Variants in SNRK observed in about 807,000 individuals in gnomAD.
SNRK encodes SNF-related serine/threonine-protein kinase.
SNRK carries 3 observed loss-of-function variants against 48.2 expected under a neutral mutation model. That is an observed-to-expected ratio of 0.06 (90% CI 0.03 to 0.16). The LOEUF (loss-of-function observed/expected upper bound fraction) is 0.16, where lower values mean the gene tolerates loss of function less well. Ranked by LOEUF, SNRK falls within the 10% of genes least tolerant of loss-of-function variation. The probability of loss-of-function intolerance (pLI) is 1.00; values close to 1 mark genes in which losing one functional copy is unlikely to be tolerated. For synonymous variants in SNRK, 376 were observed against 366.1 expected (o/e 1.03, Z -0.31); for missense variants, 627 against 976.0 (o/e 0.64, Z 4.76).
At chr3:43,344,833 C>G (rs1176637830) in intron 6 of SNRK, among the ~76,000 whole-genome samples, 2 of 152,096 alleles carry the variant, frequency 1.3e-5, no homozygotes, top group Non-Finnish European at 2.9e-5. Context: ...CAAGGCAGAT[C>G]ATCACTACTC....
chr3:43,294,456 T>C (rs895551384), intron 1 of SNRK, among the ~76,000 whole-genome samples: 5 of 152,216 alleles, frequency 3.3e-5, no homozygotes, highest in African/African-American at 1.2e-4. Flanking sequence ...GCATTTCCTC[T>C]CAAAAACTAA....
In SNRK at chr3:43,348,697, T is replaced by C; in HGVS notation, c.*140T>C. 1 of 905,346 alleles carries C rather than the reference T, an allele frequency of 1.1e-6. No individual in the cohort carries two copies. Among genetic ancestry groups the C allele is most frequent in the Non-Finnish European group, 1.5e-6 (1 of 654,696 alleles). The allele number at this position is 905,346 out of a possible 1,614,324, so 56.1% of individuals were successfully genotyped here. On this transcript the variant is annotated 3_prime_UTR_variant, in exon 7 of 7. Coordinates refer to ENST00000296088, the MANE Select transcript of SNRK (RefSeq NM_017719.5). ...ATTACCTTTCCATTTGTTCGCCTGATGATGTGACAATGCATGGTCTTTGTG... is the reference window on the plus strand; with the variant it reads ...ATTACCTTTCCATTTGTTCGCCTGACGATGTGACAATGCATGGTCTTTGTG...
At chr3:43,329,855 G>A (rs914762579) in intron 3 of SNRK, among the ~76,000 whole-genome samples, 3 of 152,116 alleles carry the variant, frequency 2.0e-5, no homozygotes, top group Non-Finnish European at 4.4e-5. Context: ...GAAAAAGAAA[G>A]TTTTCTTCGG....
At chr3:43,335,189 A>C (rs1453365907) in intron 4 of SNRK, among the ~76,000 whole-genome samples, 1 of 152,038 alleles carries the variant, frequency 6.6e-6, no homozygotes, top group Admixed American at 6.6e-5. Flanking sequence ...TAGCTCACAA[A>C]TTTCCCTTTT....
At chr3:43,343,532 A>C in intron 6 of SNRK, 54 bp downstream of exon 6, 1 of 1,546,674 alleles carries the variant, frequency 6.5e-7, no homozygotes. Flanking sequence ...GAAATAGCGA[A>C]CTTTTTTTTT....
chr3:43,331,881 C>T (rs1344638734), intron 3 of SNRK, among the ~76,000 whole-genome samples: 1 of 152,136 alleles, frequency 6.6e-6, no homozygotes, highest in Non-Finnish European at 1.5e-5. Flanking sequence ...GGCTTGGGCA[C>T]CTGGATACTT....
intron 1 of SNRK, among the ~76,000 whole-genome samples, chr3:43,298,157 A>C (rs1409724967): frequency 2.6e-5 from 4 of 152,152 alleles, no homozygotes; most frequent in Admixed American, 2.6e-4. Flanking sequence ...TTTTCTTATT[A>C]CTAACATTTT....
In SNRK at chr3:43,347,304, A is replaced by G; in HGVS notation, c.1080-35A>G. The G allele has an allele frequency of 1.3e-6, 2 of 1,519,596 alleles. No individual in the cohort carries two copies. The highest frequency in any genetic ancestry group is 1.8e-6 in the Non-Finnish European group (2 of 1,135,066). 94.1% of individuals were successfully genotyped at this position (1,519,596 alleles called of 1,614,324 possible). A position where few individuals can be genotyped will look rare whatever the true frequency, so the allele number is the denominator to read the frequency against. On this transcript the variant is annotated intron_variant, in intron 6 of 6. Transcript: ENST00000296088. The surrounding 1 kb of genome is among the most constrained non-coding windows in gnomAD (Gnocchi z 5.4). ...TTACTATCATCTGCATAATGATTATATGGCTTTTTTCCCCCCAATCTATCT... is the reference window on the plus strand; with the variant it reads ...TTACTATCATCTGCATAATGATTATGTGGCTTTTTTCCCCCCAATCTATCT...
chr3:43,349,702 A>G lies in SNRK; in HGVS notation c.*1145A>G, dbSNP rs568695937. The stretch of plus-strand genomic sequence containing the variant: ...CACTTTGCCTTTTTCTGCCAAAACA[A>G]TAATCAAAGAACTCTTGCTTTAACC... On this transcript the variant is annotated 3_prime_UTR_variant, in exon 7 of 7. Coordinates refer to ENST00000296088, the MANE Select transcript of SNRK (RefSeq NM_017719.5). 12 of 152,368 alleles carry G rather than the reference A, an allele frequency of 7.9e-5. No individual in the cohort carries two copies. Among genetic ancestry groups the G allele is most frequent in the African/African-American group, 2.9e-4 (12 of 41,578 alleles). 9.4% of individuals were successfully genotyped at this position (152,368 alleles called of 1,614,324 possible). A position where few individuals can be genotyped will look rare whatever the true frequency, so the allele number is the denominator to read the frequency against.
intron 3 of SNRK, among the ~76,000 whole-genome samples, chr3:43,320,249 C>G (rs2091043216): frequency 6.6e-6 from 1 of 152,088 alleles, no homozygotes; most frequent in African/African-American, 2.4e-5. Context: ...AAGGAAACAT[C>G]AAGTCATTGG....
intron 3 of SNRK, among the ~76,000 whole-genome samples, chr3:43,316,359 A>G (rs1307439976): frequency 6.7e-6 from 1 of 149,944 alleles, no homozygotes; most frequent in Non-Finnish European, 1.5e-5. Context: ...TTTAAAAAAT[A>G]CCTATGTTGC....
intron 3 of SNRK, among the ~76,000 whole-genome samples, chr3:43,320,286 G>A (rs1171978074): frequency 1.3e-5 from 2 of 152,216 alleles, no homozygotes; most frequent in African/African-American, 4.8e-5. Context: ...ATTTCCTAAA[G>A]TCAGACAGAC....
intron 2 of SNRK, among the ~76,000 whole-genome samples, chr3:43,301,969 T>G (rs553292839): frequency 1.3e-5 from 2 of 152,340 alleles, no homozygotes; most frequent in South Asian, 4.1e-4. Context: ...AGGAACCTAT[T>G]TCTATTCATT....
chr3:43,307,560 A>G lies in SNRK; in HGVS notation c.589+3768A>G, dbSNP rs542704612. Reference sequence around the variant, plus strand: ...TTATTTTTTATGGTGATCTGTGATCAGTGATCTTTAATGTTACTATTGTAG... The same window carrying G: ...TTATTTTTTATGGTGATCTGTGATCGGTGATCTTTAATGTTACTATTGTAG... On this transcript the variant is annotated intron_variant, in intron 3 of 6. Transcript: ENST00000296088. Among the ~76,000 whole-genome samples, 159 of 152,332 alleles carry G rather than the reference A, an allele frequency of 1.0e-3. 1 individual carries two copies. The highest frequency in any genetic ancestry group is 3.7e-3 in the African/African-American group (152 of 41,580).
chr3:43,289,224 A>T (rs2090790366), intron 1 of SNRK, among the ~76,000 whole-genome samples: 1 of 152,164 alleles, frequency 6.6e-6, no homozygotes. Flanking sequence ...GTGATGGTTA[A>T]ACTGGTCTTG....
chr3:43,337,632 G>A (rs2125643415), intron 4 of SNRK, among the ~76,000 whole-genome samples: 1 of 152,188 alleles, frequency 6.6e-6, no homozygotes, highest in South Asian at 2.1e-4. Context: ...GAACTGCTGG[G>A]TAATTTATAG....
Position 43,348,031 on chromosome 3 carries a change from G to T in SNRK, c.1772G>T (p.Gly591Val), listed in dbSNP as rs779943111. The T allele has an allele frequency of 1.9e-6, 3 of 1,610,278 alleles. No homozygotes were observed. The change falls in exon 7 of 7, where the codon GGA becomes GTA. Residue 591 changes from glycine (G) to valine (V), a missense_variant. This residue lies in a region of SNRK where 207 missense variants were observed against 234.3 expected (regional missense o/e 0.88). Transcript: ENST00000296088. The part of the protein sequence containing the change: ...GGQSKPSNAS[G>V]GVDKASPSEN... ...CAGAGCAAGCCAAGCAATGCCAGTG[G>T]AGGGGTGGACAAGGCCAGCCCCAGT... is the stretch of plus-strand genomic sequence containing the variant.
rs768354951 is a variant in SNRK, at chr3:43,347,535, A to C, written c.1276A>C (p.Thr426Pro). The change falls in exon 7 of 7, where the codon ACG (threonine) becomes CCG (proline). Residue 426 changes from threonine to proline, a missense_variant. Around this residue, in one of 4 missense-constraint regions of SNRK, gnomAD observed 175 missense variants for 209.7 expected, o/e 0.83. Coordinates refer to ENST00000296088, the MANE Select transcript of SNRK (RefSeq NM_017719.5). This position sits in a 1 kb window ranked among gnomAD's most constrained non-coding sequence, Gnocchi z 5.4. ...LPELAGPALS[T>P]VPPASLKPTA... ...TGAGTTGGCTGGACCAGCACTCTCT[A>C]CGGTGCCACCCGCAAGCTTAAAACC... is the stretch of plus-strand genomic sequence containing the variant. The C allele has an allele frequency of 5.6e-6, 9 of 1,613,580 alleles. No individual in the cohort carries two copies. The highest frequency in any genetic ancestry group is 1.3e-5 in the African/African-American group (1 of 74,988).
At chr3:43,300,378 A>T (rs1033392314) in intron 2 of SNRK, among the ~76,000 whole-genome samples, 1 of 152,282 alleles carries the variant, frequency 6.6e-6, no homozygotes, top group East Asian at 1.9e-4. Context: ...CAAAAATCAG[A>T]TTCATTTATA....
Sources: allele counts gnomAD v4.1 joint callset (sites outside exome capture counted in the v4.1 genomes callset), GRCh38; gene constraint gnomAD v4.1.1; regional missense constraint gnomAD v4.1.1; non-coding constraint Gnocchi (gnomAD v3.1); transcripts MANE v1.5; gene names NCBI Gene and HGNC (gene_info 2026-07-23, HGNC 2026-07-21).